The following ARSH variants were observed in gnomAD, a reference collection of about 807,000 sequenced individuals.
ARSH encodes arylsulfatase family member H.
Under a neutral mutation model 28.7 loss-of-function variants are expected in ARSH, and 32 were observed. That is an observed-to-expected ratio of 1.11 (90% confidence interval 0.84 to 1.50). The LOEUF (loss-of-function observed/expected upper bound fraction) is 1.50. ARSH is among the 40% of genes most tolerant of loss of function. The pLI is 0.00. For synonymous variants in ARSH, 176 were observed against 177.3 expected (o/e 0.99, Z 0.06); for missense variants, 440 against 452.4 (o/e 0.97, Z 0.25).
chrX:3,024,903 C>T (rs2089894713), intron 6 of ARSH, among the ~76,000 whole-genome samples: 3 of 110,431 alleles, frequency 2.7e-5, no homozygotes, highest in South Asian at 3.9e-4. Flanking sequence ...TCCCCCTACC[C>T]GCTAACCTTC....
At chrX:3,009,563 G>C (rs2089840472) in intron 1 of ARSH, among the ~76,000 whole-genome samples, 1 of 110,720 alleles carries the variant, frequency 9.0e-6, no homozygotes, top group Non-Finnish European at 1.9e-5. Flanking sequence ...GGCTGAGGTG[G>C]GAGGATCACT....
chrX:3,018,682 G>A lies in ARSH; in HGVS notation c.901+12G>A, dbSNP rs1475871680. ...GGATTGGATGGTGGGTAAGTATTCA[G>A]TAACAGAACTGTAAATATCTGAAGT... On this transcript the variant is annotated intron_variant, in intron 5 of 8. Coordinates refer to ENST00000381130, the MANE Select transcript of ARSH (RefSeq NM_001011719.2). The A allele has an allele frequency of 8.3e-7, 1 of 1,206,701 alleles. No individual in the cohort carries two copies.
At chrX:3,030,578 A>G (rs776215983) in intron 8 of ARSH, among the ~76,000 whole-genome samples, 1 of 111,818 alleles carries the variant, frequency 8.9e-6, no homozygotes, top group African/African-American at 3.2e-5. Flanking sequence ...CACATCTTAC[A>G]TGGTGGAAAG....
chrX:3,015,060 C>T lies in ARSH; in HGVS notation c.431C>T (p.Pro144Leu). The T allele has an allele frequency of 8.3e-7, 1 of 1,210,730 alleles. No homozygotes were observed. ...GGTTTTCACTACTTTTACGGGGTGC[C>T]TTTTGGACTTTTAAGCGACTGCCAG... ...NHGFHYFYGVPFGLLSDCQAS... is the reference protein window; with the variant it reads ...NHGFHYFYGVLFGLLSDCQAS... Residue 144 changes from proline to leucine, a missense_variant, in exon 4 of 9, where the codon CCT (proline) becomes CTT (leucine). Coordinates refer to ENST00000381130, the MANE Select transcript of ARSH (RefSeq NM_001011719.2).
intron 8 of ARSH, among the ~76,000 whole-genome samples, chrX:3,031,122 GAC>G (rs1727681530): frequency 1.3e-5 from 1 of 78,560 alleles, no homozygotes; most frequent in Non-Finnish European, 2.4e-5. Flanking sequence ...AACAAAGTGA[GAC>G]ACTGTCTCAA....
intron 4 of ARSH, 98 bp downstream of exon 4, chrX:3,015,491 C>T: frequency 1.1e-6 from 1 of 881,011 alleles, no homozygotes; most frequent in Non-Finnish European, 1.5e-6. Flanking sequence ...TTAAAAGTCT[C>T]TTGGAGAGAA....
At chrX:3,029,149 T>TTCCTCC (rs369931549) in intron 7 of ARSH, 98 bp from the exon 8 acceptor site, 20 of 896,009 alleles carry the variant, frequency 2.2e-5, no homozygotes, top group African/African-American at 1.7e-4. Context: ...CCCCTTCCTT[T>TTCCTCC]TCCTCCTCCT....
chrX:3,024,146 A>C lies in ARSH; in HGVS notation c.1027A>C (p.Ile343Leu). Reference protein sequence around the residue: ...GAVQLGGWNGIYKGGKGMGGW... With the variant: ...GAVQLGGWNGLYKGGKGMGGW... ...TGTTCAGCTGGGTGGCTGGAACGGG[A>C]TCTACAAAGGTGATTGTGTGTAGAG... Residue 343 changes from isoleucine to leucine, a missense_variant, in exon 6 of 9, where the codon ATC becomes CTC. Coordinates refer to ENST00000381130, the MANE Select transcript of ARSH (RefSeq NM_001011719.2). 3.4e-6 allele frequency: 4 copies of C among 1,193,676 alleles called. No individual in the cohort carries two copies. Among genetic ancestry groups the C allele is most frequent in the Non-Finnish European group, 4.5e-6 (4 of 887,970 alleles).
chrX:3,029,391 C>T (rs201072213), intron 8 of ARSH, 23 bp downstream of exon 8: 40 of 1,192,252 alleles, frequency 3.4e-5, no homozygotes, highest in Non-Finnish European at 4.4e-5. Flanking sequence ...GCTGTGGACA[C>T]GTGGAAAGAC....
Position 3,021,471 on chromosome X carries a change from A to G in ARSH, c.902-2550A>G, listed in dbSNP as rs920867278. Among the ~76,000 whole-genome samples the G allele has an allele frequency of 7.2e-5, 8 of 111,622 alleles. No homozygotes were observed. In the South Asian group the frequency reaches 3.0e-3, roughly 42 times the overall value. ...AAAAATTCTACCAAAATAAAGACAT[A>G]TTGAAAGTCAGACAGGTATCTCTGT... On this transcript the variant is annotated intron_variant, in intron 5 of 8. Transcript: ENST00000381130.
chrX:3,025,170 T>G (rs999511229), intron 6 of ARSH, among the ~76,000 whole-genome samples: 2 of 108,435 alleles, frequency 1.8e-5, no homozygotes, highest in Non-Finnish European at 3.8e-5. Flanking sequence ...CTATATTCAT[T>G]ACACATAACA....
At chrX:3,012,540 C>CAA (rs1183271572) in intron 2 of ARSH, among the ~76,000 whole-genome samples, 143 of 5,920 alleles carry the variant, frequency 0.024, 42 homozygotes, top group Non-Finnish European at 0.034. Flanking sequence ...AACTCCATCT[C>CAA]AAAAAAAAAA....
intron 2 of ARSH, among the ~76,000 whole-genome samples, chrX:3,012,605 T>TATATATATA (rs1555914151): frequency 1.2e-4 from 3 of 25,124 alleles, no homozygotes; most frequent in African/African-American, 5.4e-4. Context: ...ATATAATATA[T>TATATATATA]ATATGTATGT....
chrX:3,019,924 T>C (rs1289772230), intron 5 of ARSH, among the ~76,000 whole-genome samples: 1 of 110,438 alleles, frequency 9.1e-6, no homozygotes, highest in African/African-American at 3.3e-5. Flanking sequence ...CCACTATGTG[T>C]GTTTACCTCT....
At chrX:3,024,348 T>C in intron 6 of ARSH, among the ~76,000 whole-genome samples, 193 bp downstream of exon 6, 1 of 110,087 alleles carries the variant, frequency 9.1e-6, no homozygotes, top group Admixed American at 9.7e-5. Context: ...GTAAAATGTT[T>C]GAAGCAACGC....
intron 8 of ARSH, among the ~76,000 whole-genome samples, chrX:3,032,383 G>A (rs752775498): frequency 3.3e-3 from 343 of 103,058 alleles, no homozygotes; most frequent in African/African-American, 0.012. Context: ...AAGAAAGGAA[G>A]GGAGGGAGGG....
At position 3,010,292 on chromosome X, in the gene ARSH, G is replaced by A. The variant is rs181845488; in HGVS notation, c.214+141G>A. The A allele has an allele frequency of 1.0e-3, 802 of 795,365 alleles. 3 individuals carry two copies. In the African/African-American group the frequency reaches 0.016, roughly 15 times the overall value. 65.5% of individuals were successfully genotyped at this position (795,365 alleles called of 1,213,427 possible). A position where few individuals can be genotyped will look rare whatever the true frequency, so the allele number is the denominator to read the frequency against. Reference sequence around the variant, plus strand: ...AATTCAAAGGTGGTTGTTATCCCTGGGCAGCTTAAATATGTGTGCCTCTCA... The same window carrying A: ...AATTCAAAGGTGGTTGTTATCCCTGAGCAGCTTAAATATGTGTGCCTCTCA... On this transcript the variant is annotated intron_variant, in intron 2 of 8. Transcript: ENST00000381130.
chrX:3,032,237 T>C (rs2089915962), intron 8 of ARSH, among the ~76,000 whole-genome samples: 2 of 110,506 alleles, frequency 1.8e-5, no homozygotes, highest in East Asian at 2.8e-4. Context: ...TGAGCTGAGA[T>C]GTTGCCACTG....
intron 1 of ARSH, 120 bp from the exon 2 acceptor site, chrX:3,009,910 T>G: frequency 1.2e-6 from 1 of 866,537 alleles, no homozygotes; most frequent in East Asian, 3.2e-5. Context: ...TTTAAAAAGA[T>G]GGATTTTAGG....
Sources: allele counts gnomAD v4.1 joint callset (sites outside exome capture counted in the v4.1 genomes callset), GRCh38; gene constraint gnomAD v4.1.1; transcripts MANE v1.5; gene names NCBI Gene and HGNC (gene_info 2026-07-23, HGNC 2026-07-21).